RPRD1A: variants seen among roughly 807,000 people sequenced by gnomAD.
The protein encoded by RPRD1A is regulation of nuclear pre-mRNA domain-containing protein 1A.
RPRD1A carries 9 observed loss-of-function variants against 37.8 expected under a neutral mutation model. The ratio of observed to expected loss-of-function variants is 0.24; its 90% CI spans 0.14 to 0.42. The LOEUF (loss-of-function observed/expected upper bound fraction) is 0.42. RPRD1A is among the 10% of genes least tolerant of loss of function. The probability of loss-of-function intolerance (pLI) is 1.00; values close to 1 mark genes in which losing one functional copy is unlikely to be tolerated. For synonymous variants in RPRD1A, 138 were observed against 139.7 expected (o/e 0.99, Z 0.08); for missense variants, 255 against 371.0 (o/e 0.69, Z 2.57).
intron 1 of RPRD1A, among the ~76,000 whole-genome samples, chr18:36,046,440 T>G (rs1912958248): frequency 1.3e-5 from 2 of 152,102 alleles, no homozygotes; most frequent in African/African-American, 4.8e-5. Context: ...GGAGACCTAC[T>G]GGAAAGCCAG....
intron 1 of RPRD1A, among the ~76,000 whole-genome samples, chr18:36,057,436 G>A (rs923542155): frequency 6.6e-6 from 1 of 151,988 alleles, no homozygotes; most frequent in African/African-American, 2.4e-5. Flanking sequence ...GGCAAACACG[G>A]TCTCTACAAA....
intron 6 of RPRD1A, among the ~76,000 whole-genome samples, chr18:36,016,466 G>A (rs547724010): frequency 8.5e-5 from 13 of 152,150 alleles, no homozygotes; most frequent in Non-Finnish European, 1.6e-4. Context: ...CAGATGATCC[G>A]CCCGCCTCGG....
At chr18:36,019,736 C>T (rs1910862908) in intron 6 of RPRD1A, among the ~76,000 whole-genome samples, 2 of 152,228 alleles carry the variant, frequency 1.3e-5, no homozygotes, top group East Asian at 1.9e-4. Context: ...CACAGCATAC[C>T]AATGTCAAGA....
chr18:36,053,169 T>C (rs1847261100), intron 1 of RPRD1A, among the ~76,000 whole-genome samples: 1 of 152,168 alleles, frequency 6.6e-6, no homozygotes, highest in African/African-American at 2.4e-5. Context: ...ACATCATTTA[T>C]AAAACTGAAA....
chr18:36,035,792 C>A (rs142493138), intron 1 of RPRD1A, among the ~76,000 whole-genome samples: 1 of 152,098 alleles, frequency 6.6e-6, no homozygotes, highest in Non-Finnish European at 1.5e-5. Context: ...CATGTTACAA[C>A]ATGGATGAAT....
intron 6 of RPRD1A, among the ~76,000 whole-genome samples, chr18:36,002,376 C>T (rs1206100204): frequency 6.6e-6 from 1 of 152,094 alleles, no homozygotes; most frequent in Admixed American, 6.6e-5. Flanking sequence ...CACTTCCTTC[C>T]TTGGCAGTGC....
chr18:35,992,962 A>T lies in RPRD1A; in HGVS notation c.*189T>A. 1 of 436,136 alleles carries T rather than the reference A, an allele frequency of 2.3e-6. No homozygotes were observed. The highest frequency in any genetic ancestry group is 7.2e-5 in the South Asian group (1 of 13,852). 27.0% of individuals were successfully genotyped at this position (436,136 alleles called of 1,614,324 possible). A position where few individuals can be genotyped will look rare whatever the true frequency, so the allele number is the denominator to read the frequency against. ...ACACACAAATCATCACTTTGTTCAA[A>T]TTAAGTCATGTTAATTTACCAATAA... On this transcript the variant is annotated 3_prime_UTR_variant, in exon 7 of 7. Transcript: ENST00000399022.
chr18:36,061,710 C>T (rs534970525), intron 1 of RPRD1A, among the ~76,000 whole-genome samples: 9 of 152,108 alleles, frequency 5.9e-5, no homozygotes, highest in African/African-American at 2.2e-4. Flanking sequence ...AAAAGACAAC[C>T]CACTGAATGG....
chr18:36,001,722 TAC>T (rs892985401), intron 6 of RPRD1A, among the ~76,000 whole-genome samples: 1 of 152,142 alleles, frequency 6.6e-6, no homozygotes, highest in Non-Finnish European at 1.5e-5. Flanking sequence ...ATCACTGAAA[TAC>T]ATTTTTGCTG....
At chr18:36,018,300 G>A (rs1209816543) in intron 6 of RPRD1A, among the ~76,000 whole-genome samples, 2 of 145,870 alleles carry the variant, frequency 1.4e-5, no homozygotes, top group Non-Finnish European at 3.0e-5. Flanking sequence ...TAAAGAAGGA[G>A]TCTCGCTCTG....
At chr18:36,019,983 C>T (rs1487946830) in intron 6 of RPRD1A, among the ~76,000 whole-genome samples, 4 of 151,978 alleles carry the variant, frequency 2.6e-5, no homozygotes, top group South Asian at 4.1e-4. Flanking sequence ...GAGGTTGCAG[C>T]GAGCTGAGAT....
At chr18:36,054,859 AAAG>A (rs1393347988) in intron 1 of RPRD1A, among the ~76,000 whole-genome samples, 1 of 145,968 alleles carries the variant, frequency 6.9e-6, no homozygotes, top group Non-Finnish European at 1.5e-5. Flanking sequence ...AGAAAAAAAG[AAAG>A]AAAAAAAAAA....
Position 36,030,874 on chromosome 18 carries a change from A to G in RPRD1A, c.420T>C (p.Tyr140=), listed in dbSNP as rs1340217485. The part of the protein sequence containing the change: ...YGDKKPRKRT[Y]EQIKVDENEN... The stretch of plus-strand genomic sequence containing the variant: ...CATTTTCATCCACCTTTATCTGTTC[A>G]TAAGTTCGCTTCCTAGGCTTCTTAT... The change falls in exon 4 of 7, where the codon TAT becomes TAC. Residue 140 remains tyrosine, a synonymous_variant. Transcript: ENST00000399022. 6.2e-7 allele frequency: 1 copy of G among 1,613,418 alleles called. No homozygotes were observed. The highest frequency in any genetic ancestry group is 8.5e-7 in the Non-Finnish European group (1 of 1,179,606).
At chr18:35,993,401 G>T in intron 6 of RPRD1A, 101 bp from the exon 7 acceptor site, 1 of 1,141,070 alleles carries the variant, frequency 8.8e-7, no homozygotes, top group Non-Finnish European at 1.2e-6. Flanking sequence ...CTCAGTTAAT[G>T]CCATATTTAA....
chr18:36,053,099 G>A (rs1329675176), intron 1 of RPRD1A, among the ~76,000 whole-genome samples: 1 of 151,994 alleles, frequency 6.6e-6, no homozygotes, highest in Non-Finnish European at 1.5e-5. Context: ...GGATAGAGGA[G>A]AAATAGAGAA....
chr18:36,039,120 G>A (rs1048587513), intron 1 of RPRD1A, among the ~76,000 whole-genome samples: 7 of 152,152 alleles, frequency 4.6e-5, no homozygotes, highest in Admixed American at 1.3e-4. Context: ...AGATTTGGGA[G>A]GGGCCGGGGT....
At chr18:36,054,229 G>A (rs1023543621) in intron 1 of RPRD1A, among the ~76,000 whole-genome samples, 1 of 152,184 alleles carries the variant, frequency 6.6e-6, no homozygotes, top group African/African-American at 2.4e-5. Context: ...GGTGGCTCAT[G>A]CCTGTAATCC....
intron 6 of RPRD1A, chr18:36,025,587 C>T: frequency 8.0e-7 from 1 of 1,253,594 alleles, no homozygotes; most frequent in South Asian, 1.3e-5. Flanking sequence ...AAACATGAGA[C>T]AATACAGGCT....
Position 36,031,099 on chromosome 18 carries a change from T to TAAAAAAAA in RPRD1A, c.282-10_282-3dup, listed in dbSNP as rs377216293. 5.0e-5 allele frequency: 69 copies of TAAAAAAAA among 1,371,520 alleles called. No individual in the cohort carries two copies. Among genetic ancestry groups the TAAAAAAAA allele is most frequent in the East Asian group, 1.6e-4 (6 of 38,208 alleles). The allele number at this position is 1,371,520 out of a possible 1,614,324, so 85.0% of individuals were successfully genotyped here. Reference sequence around the variant, plus strand: ...TTCTTACAACTTTCATCAGTTTCACTAAAAAAAAAAAAAAAGAAAAAAAGA... The same window carrying TAAAAAAAA: ...TTCTTACAACTTTCATCAGTTTCACTAAAAAAAAAAAAAAAAAAAAAAAGAAAAAAAGA... On this transcript the variant is annotated splice_polypyrimidine_tract_variant and splice_region_variant and intron_variant, in intron 2 of 6. Coordinates refer to ENST00000399022, the MANE Select transcript of RPRD1A (RefSeq NM_018170.5).
Sources: allele counts gnomAD v4.1 joint callset (sites outside exome capture counted in the v4.1 genomes callset), GRCh38; gene constraint gnomAD v4.1.1; transcripts MANE v1.5; gene names NCBI Gene and HGNC (gene_info 2026-07-23, HGNC 2026-07-21).